IKZF1: variants seen among roughly 807,000 people sequenced by gnomAD.
The protein encoded by IKZF1 is IKAROS family zinc finger 1, also known as DNA-binding protein Ikaros.
In IKZF1, 10 loss-of-function variants were observed where a neutral mutation model predicts 51.7. The ratio of observed to expected loss-of-function variants is 0.19; its 90% CI spans 0.12 to 0.33. The LOEUF (loss-of-function observed/expected upper bound fraction) is 0.33, where lower values mean the gene tolerates loss of function less well. Among genes scored for constraint, IKZF1 ranks in the 10% least tolerant of loss-of-function variants. The pLI is 1.00. For synonymous variants in IKZF1, 280 were observed against 282.3 expected, an observed-to-expected ratio of 0.99 and a Z score of 0.08; for missense variants, 484 against 707.5, an observed-to-expected ratio of 0.68 and a Z score of 3.58.
intron 5 of IKZF1, among the ~76,000 whole-genome samples, chr7:50,385,118 C>G (rs761762998): frequency 9.9e-5 from 15 of 152,182 alleles, no homozygotes; most frequent in Non-Finnish European, 1.8e-4. Context: ...CTGTGTATTT[C>G]TATTCTGGAT....
intron 3 of IKZF1, among the ~76,000 whole-genome samples, chr7:50,353,343 G>A (rs1240884179): frequency 6.6e-6 from 1 of 152,194 alleles, no homozygotes; most frequent in Non-Finnish European, 1.5e-5. Flanking sequence ...AGCAGTTTCA[G>A]CCAAAAGCTC....
intron 3 of IKZF1, among the ~76,000 whole-genome samples, chr7:50,373,635 T>C (rs932171417): frequency 1.3e-5 from 2 of 152,146 alleles, no homozygotes; most frequent in Non-Finnish European, 2.9e-5. Flanking sequence ...CTAATCTCAT[T>C]TTAAAAACCA....
chr7:50,327,484 T>C, intron 2 of IKZF1, 154 bp from the exon 3 acceptor site: 1 of 818,420 alleles, frequency 1.2e-6, no homozygotes, highest in East Asian at 2.9e-5. Context: ...TGACTTTTTT[T>C]ATAAAAAGAA....
At chr7:50,326,070 T>C (rs1794925660) in intron 2 of IKZF1, among the ~76,000 whole-genome samples, 1 of 152,230 alleles carries the variant, frequency 6.6e-6, no homozygotes. Flanking sequence ...CCCCAGAGCA[T>C]AGGCTTGGTG....
chr7:50,304,044 G>C (rs1450572758), upstream of IKZF1: 1 of 145,082 alleles, frequency 6.9e-6, no homozygotes, highest in South Asian at 2.1e-4. Context: ...CGGTGCGCGC[G>C]GGGGTGGCGG....
Position 50,349,038 on chromosome 7 carries a change from C to T in IKZF1, c.160+21281C>T, listed in dbSNP as rs77874936. 4.8e-3 allele frequency among the ~76,000 whole-genome samples: 736 copies of T among 152,280 alleles called. 2 individuals are homozygous for T. Among genetic ancestry groups the T allele is most frequent in the Admixed American group, 8.4e-3 (129 of 15,306 alleles). ...GGTCATGGGGTCAGCCAGTTTATAACACGAACGGAGGTTAATGAACTGATC... is the reference window on the plus strand; with the variant it reads ...GGTCATGGGGTCAGCCAGTTTATAATACGAACGGAGGTTAATGAACTGATC... On this transcript the variant is annotated intron_variant, in intron 3 of 7. Transcript: ENST00000331340.
intron 7 of IKZF1, among the ~76,000 whole-genome samples, chr7:50,396,031 C>T (rs903046002): frequency 2.0e-5 from 3 of 152,150 alleles, no homozygotes; most frequent in Admixed American, 6.5e-5. Flanking sequence ...GTTAAATACC[C>T]TAATTAGGAT....
rs79338980 is a variant in IKZF1 at position 50,399,885 on chromosome 7, C to T, written c.851-33C>T. On this transcript the variant is annotated intron_variant, in intron 7 of 7. Transcript: ENST00000331340. ...AGACCTGACCGGTTCCGGAGGTGGC[C>T]GCGCCCCACTCACTGTCGCCTGCTT... is the stretch of plus-strand genomic sequence containing the variant. 2.2e-3 allele frequency: 3,506 copies of T among 1,584,268 alleles called. 69 individuals are homozygous for T. The African/African-American group carries it at 0.04, about 18-fold the overall frequency.
intron 1 of IKZF1, among the ~76,000 whole-genome samples, chr7:50,318,034 G>C (rs1318647406): frequency 6.6e-6 from 1 of 152,226 alleles, no homozygotes; most frequent in Non-Finnish European, 1.5e-5. Context: ...ATATACCAGA[G>C]CATAAATGAG....
Position 50,312,366 on chromosome 7 carries a change from C to T in IKZF1, c.-14-6682C>T, listed in dbSNP as rs534722891. Reference sequence around the variant, plus strand: ...GGAAGCCTCTCCTCTCCGTGTGAACCGTGCACCCCTATGAGAGGGTAGAGA... The same window carrying T: ...GGAAGCCTCTCCTCTCCGTGTGAACTGTGCACCCCTATGAGAGGGTAGAGA... On this transcript the variant is annotated intron_variant, in intron 1 of 7. Coordinates refer to ENST00000331340, the MANE Select transcript of IKZF1 (RefSeq NM_006060.6). 7.2e-5 allele frequency among the ~76,000 whole-genome samples: 11 copies of T among 152,228 alleles called. No individual in the cohort carries two copies. In the South Asian group the frequency reaches 1.9e-3, roughly 26 times the overall value.
At chr7:50,344,320 G>A (rs1319885908) in intron 3 of IKZF1, among the ~76,000 whole-genome samples, 2 of 152,204 alleles carry the variant, frequency 1.3e-5, no homozygotes, top group Non-Finnish European at 2.9e-5. Flanking sequence ...CTCACATGTA[G>A]ATGACCCAGG....
At chr7:50,396,915 C>G (rs529621167) in intron 7 of IKZF1, among the ~76,000 whole-genome samples, 1 of 152,370 alleles carries the variant, frequency 6.6e-6, no homozygotes, top group South Asian at 2.1e-4. Context: ...GGGCCATCTT[C>G]CCCTTCAGTG....
intron 3 of IKZF1, among the ~76,000 whole-genome samples, chr7:50,333,161 A>G (rs1796792754): frequency 6.6e-6 from 1 of 152,140 alleles, no homozygotes; most frequent in South Asian, 2.1e-4. Flanking sequence ...GTGTAAAAGC[A>G]TAAATCTTTT....
Position 50,402,668 on chromosome 7 carries a change from C to T in IKZF1, c.*2041C>T. 4.5e-6 allele frequency: 1 copy of T among 222,090 alleles called. No individual in the cohort carries two copies. The highest frequency in any genetic ancestry group is 8.9e-6 in the Non-Finnish European group (1 of 112,056). 13.8% of individuals were successfully genotyped at this position (222,090 alleles called of 1,614,324 possible). A position where few individuals can be genotyped will look rare whatever the true frequency, so the allele number is the denominator to read the frequency against. ...TTATAAATTCTATAAATCAATTATT[C>T]CCCTTCGGTCTTAAAAATATATTTC... On this transcript the variant is annotated 3_prime_UTR_variant, in exon 8 of 8. Coordinates refer to ENST00000331340, the MANE Select transcript of IKZF1 (RefSeq NM_006060.6).
intron 3 of IKZF1, among the ~76,000 whole-genome samples, chr7:50,335,191 G>A (rs1797366344): frequency 6.6e-6 from 1 of 151,364 alleles, no homozygotes; most frequent in African/African-American, 2.4e-5. Flanking sequence ...TGTGTGGTGT[G>A]TGGTGTGGAT....
chr7:50,317,319 A>G (rs1015444014), intron 1 of IKZF1, among the ~76,000 whole-genome samples: 2 of 152,218 alleles, frequency 1.3e-5, no homozygotes, highest in Non-Finnish European at 2.9e-5. Context: ...AAACTAGAGA[A>G]CTAACTTCTA....
chr7:50,315,544 A>G (rs759375888), intron 1 of IKZF1, among the ~76,000 whole-genome samples: 1 of 152,270 alleles, frequency 6.6e-6, no homozygotes, highest in Non-Finnish European at 1.5e-5. Context: ...ATTCATGTTC[A>G]TAAGAATTGC....
At chr7:50,309,240 C>G (rs1043533703) in intron 1 of IKZF1, among the ~76,000 whole-genome samples, 2 of 152,232 alleles carry the variant, frequency 1.3e-5, no homozygotes, top group African/African-American at 4.8e-5. Context: ...CTTCTGCAAT[C>G]AGCTCACTGC....
At chr7:50,399,416 T>C (rs892334700) in intron 7 of IKZF1, among the ~76,000 whole-genome samples, 1 of 150,808 alleles carries the variant, frequency 6.6e-6, no homozygotes, top group Non-Finnish European at 1.5e-5. Context: ...TTATTAAAAT[T>C]AATAATTTAA....
Sources: allele counts gnomAD v4.1 joint callset (sites outside exome capture counted in the v4.1 genomes callset), GRCh38; gene constraint gnomAD v4.1.1; transcripts MANE v1.5; gene names NCBI Gene and HGNC (gene_info 2026-07-23, HGNC 2026-07-21).